The following DNAJC12 variants were observed in gnomAD, a reference collection of about 807,000 sequenced individuals.
The protein encoded by DNAJC12 is DnaJ heat shock protein family (Hsp40) member C12.
In DNAJC12, 25 loss-of-function variants were observed where a neutral mutation model predicts 28.5. The ratio of observed to expected loss-of-function variants is 0.88; its 90% CI spans 0.64 to 1.22. The LOEUF (loss-of-function observed/expected upper bound fraction) is 1.22, where lower values mean the gene tolerates loss of function less well. Among genes scored for constraint, DNAJC12 ranks in the 50% most tolerant of loss-of-function variants. DNAJC12 has a pLI of 0.00. For missense variants in DNAJC12, 222 were observed against 231.7 expected (o/e 0.96, Z 0.27); for synonymous variants, 77 against 80.6 (o/e 0.95, Z 0.24).
intron 4 of DNAJC12, among the ~76,000 whole-genome samples, chr10:67,797,776 C>T (rs1427079039): frequency 1.3e-5 from 2 of 152,176 alleles, no homozygotes; most frequent in Non-Finnish European, 2.9e-5. Context: ...CGCAGTGGCT[C>T]ACGCCTGTAA....
intron 3 of DNAJC12, among the ~76,000 whole-genome samples, chr10:67,806,057 T>C (rs1262102176): frequency 1.3e-5 from 2 of 152,208 alleles, no homozygotes; most frequent in Admixed American, 6.5e-5. Flanking sequence ...ATTGGACAGA[T>C]GGATGAATGA....
intron 3 of DNAJC12, among the ~76,000 whole-genome samples, chr10:67,810,327 A>G (rs995775344): frequency 1.3e-5 from 2 of 152,138 alleles, no homozygotes; most frequent in African/African-American, 4.8e-5. Context: ...AATCCAAACC[A>G]TATCAACACT....
rs202186686 is a variant in DNAJC12, at chr10:67,811,569, C to T, written c.252G>A (p.Ser84=). Residue 84 remains serine, a synonymous_variant, in exon 3 of 5, where the codon TCG becomes TCA. Transcript: ENST00000225171. ...RYDHWRRSQM[S]MPFQQWEALN... The stretch of plus-strand genomic sequence containing the variant: ...AAGCTTCCCACTGCTGGAATGGCAT[C>T]GACATCTGGCTCCTTCGCCAGTGGT... 136 of 1,614,080 alleles carry T rather than the reference C, an allele frequency of 8.4e-5. No homozygotes were observed. Among genetic ancestry groups the T allele is most frequent in the Non-Finnish European group, 1.0e-4 (118 of 1,180,038 alleles).
Position 67,815,422 on chromosome 10 carries a change from C to T in DNAJC12, c.158-3759G>A, listed in dbSNP as rs537395149. ...ACTTGGGAGGCTGAGGCAGGAGAATCGCTTGAACCCAGGAGGTGGAGGTTT... is the reference window on the plus strand; with the variant it reads ...ACTTGGGAGGCTGAGGCAGGAGAATTGCTTGAACCCAGGAGGTGGAGGTTT... On this transcript the variant is annotated intron_variant, in intron 2 of 4. Coordinates refer to ENST00000225171, the MANE Select transcript of DNAJC12 (RefSeq NM_021800.3). 2.3e-4 allele frequency among the ~76,000 whole-genome samples: 34 copies of T among 148,920 alleles called. No individual in the cohort carries two copies. In the South Asian group the frequency reaches 6.0e-3, roughly 26 times the overall value.
chr10:67,815,413 C>T (rs890525911), intron 2 of DNAJC12, among the ~76,000 whole-genome samples: 1 of 145,096 alleles, frequency 6.9e-6, no homozygotes, highest in Non-Finnish European at 1.5e-5. Flanking sequence ...GAGGCTGAGG[C>T]AGGAGAATCG....
At chr10:67,819,194 G>A (rs1035210630) in intron 2 of DNAJC12, among the ~76,000 whole-genome samples, 7 of 151,930 alleles carry the variant, frequency 4.6e-5, no homozygotes, top group African/African-American at 1.4e-4. Flanking sequence ...TTAGCCGGGC[G>A]CGGTGGCAGG....
intron 4 of DNAJC12, among the ~76,000 whole-genome samples, chr10:67,802,138 A>C (rs1345239452): frequency 6.6e-6 from 1 of 152,170 alleles, no homozygotes; most frequent in Non-Finnish European, 1.5e-5. Context: ...TTCTAGGAGT[A>C]CAGGCCCAAG....
At chr10:67,833,691 A>C (rs941365779) in intron 1 of DNAJC12, 1 of 337,190 alleles carries the variant, frequency 3.0e-6, no homozygotes, top group Admixed American at 3.8e-5. Flanking sequence ...AAAGGTGTGC[A>C]GTTTTGGGCC....
chr10:67,835,835 C>G (rs1187009883), intron 1 of DNAJC12, among the ~76,000 whole-genome samples: 1 of 151,138 alleles, frequency 6.6e-6, no homozygotes, highest in African/African-American at 2.4e-5. Context: ...ATTGACAGAC[C>G]AGTAAAATAC....
chr10:67,809,857 G>T (rs75022908), intron 3 of DNAJC12, among the ~76,000 whole-genome samples: 1 of 152,022 alleles, frequency 6.6e-6, no homozygotes, highest in Admixed American at 6.6e-5. Context: ...AGGCTGGGAC[G>T]GAGAGTGAAG....
At chr10:67,800,221 CAAAAAAAAAAAAA>C (rs56039954) in intron 4 of DNAJC12, among the ~76,000 whole-genome samples, 6 of 84,624 alleles carry the variant, frequency 7.1e-5, no homozygotes, top group South Asian at 4.7e-4. Flanking sequence ...GACTCTATCT[CAAAAAAAAAAAAA>C]AAAAAAAAAA....
intron 2 of DNAJC12, among the ~76,000 whole-genome samples, chr10:67,819,709 AGG>A (rs1841957799): frequency 7.4e-5 from 1 of 13,478 alleles, no homozygotes; most frequent in African/African-American, 2.0e-4. Flanking sequence ...GAAGGAAGGA[AGG>A]AAGGAAGCAA....
At position 67,806,053 on chromosome 10, in the gene DNAJC12, C is replaced by T. The variant is rs73271977; in HGVS notation, c.298-266G>A. 0.014 allele frequency among the ~76,000 whole-genome samples: 2,190 copies of T among 152,160 alleles called. 65 individuals are homozygous for T. The highest frequency in any genetic ancestry group is 0.047 in the African/African-American group (1,967 of 41,490). ...TTTCCTATTAGATCTAAAAATTGGA[C>T]AGATGGATGAATGAATGGAGGGATG... is the stretch of plus-strand genomic sequence containing the variant. On this transcript the variant is annotated intron_variant, in intron 3 of 4. Coordinates refer to ENST00000225171, the MANE Select transcript of DNAJC12 (RefSeq NM_021800.3).
rs1020435993 is a variant in DNAJC12, at chr10:67,823,524, G to A, written c.79-132C>T. ...AAGACCAGCCTGGACAACAAAGCAA[G>A]ACCCAGTCTCTACAAAATATAAAAT... is the stretch of plus-strand genomic sequence containing the variant. On this transcript the variant is annotated intron_variant, in intron 1 of 4. Transcript: ENST00000225171. 28 of 667,300 alleles carry A rather than the reference G, an allele frequency of 4.2e-5. 1 individual carries two copies. The Admixed American group carries it at 7.1e-4, about 17-fold the overall frequency. 41.3% of individuals were successfully genotyped at this position (667,300 alleles called of 1,614,324 possible).
intron 1 of DNAJC12, among the ~76,000 whole-genome samples, chr10:67,829,630 G>A (rs775074071): frequency 7.9e-5 from 12 of 152,184 alleles, no homozygotes; most frequent in Non-Finnish European, 1.2e-4. Context: ...GACAGAGTGA[G>A]ACTCCGTCTC....
intron 1 of DNAJC12, among the ~76,000 whole-genome samples, chr10:67,835,939 A>T (rs1842138699): frequency 6.6e-6 from 1 of 152,184 alleles, no homozygotes; most frequent in Non-Finnish European, 1.5e-5. Flanking sequence ...TATTTTCTGT[A>T]AGGCTGTCCA....
intron 4 of DNAJC12, among the ~76,000 whole-genome samples, chr10:67,798,161 C>A (rs1841698653): frequency 1.3e-5 from 2 of 151,892 alleles, no homozygotes; most frequent in South Asian, 2.1e-4. Flanking sequence ...TATAATGATA[C>A]CATTTATAAA....
chr10:67,813,918 C>T (rs545453016), intron 2 of DNAJC12, among the ~76,000 whole-genome samples: 115 of 150,928 alleles, frequency 7.6e-4, no homozygotes, highest in Middle Eastern at 6.9e-3. Flanking sequence ...ATGATAATAC[C>T]CCCCAAACTG....
chr10:67,820,082 T>C (rs1351091982), intron 2 of DNAJC12, among the ~76,000 whole-genome samples: 1 of 152,144 alleles, frequency 6.6e-6, no homozygotes, highest in African/African-American at 2.4e-5. Context: ...AAGCACAAAC[T>C]GGCCAAGTAG....
Sources: allele counts gnomAD v4.1 joint callset (sites outside exome capture counted in the v4.1 genomes callset), GRCh38; gene constraint gnomAD v4.1.1; transcripts MANE v1.5; gene names NCBI Gene and HGNC (gene_info 2026-07-23, HGNC 2026-07-21).